Variants in CCDC59 observed in about 807,000 individuals in gnomAD.
CCDC59 encodes the protein thyroid transcription factor 1-associated protein 26.
In CCDC59, 27 loss-of-function variants were observed where a neutral mutation model predicts 30.5. The observed-to-expected ratio is 0.89, with a 90% CI of 0.65 to 1.22. The LOEUF is 1.22. Ranked by LOEUF, CCDC59 falls within the 50% of genes most tolerant of loss-of-function variation. The probability of loss-of-function intolerance (pLI) is 0.00; values close to 1 mark genes in which losing one functional copy is unlikely to be tolerated. For synonymous variants in CCDC59, 125 were observed against 100.9 expected (o/e 1.24, Z -1.43); for missense variants, 362 against 284.4 (o/e 1.27, Z -1.96).
chr12:82,358,163 A>C (rs891680924), intron 1 of CCDC59, 60 bp downstream of exon 1: 13 of 1,595,830 alleles, frequency 8.1e-6, no homozygotes, highest in African/African-American at 1.3e-5. Flanking sequence ...GCTTCAGCGA[A>C]TCTTATATCC....
At chr12:82,358,495 G>T, upstream of CCDC59, 1 of 1,596,448 alleles carries the variant, frequency 6.3e-7, no homozygotes, top group Admixed American at 1.7e-5. Flanking sequence ...GAGCCTGCCT[G>T]TGCTAATTTG....
intron 2 of CCDC59, 122 bp from the exon 3 acceptor site, chr12:82,354,716 A>G (rs1449376605): frequency 2.7e-6 from 2 of 745,908 alleles, no homozygotes; most frequent in Non-Finnish European, 3.8e-6. Context: ...GGATTCTTAG[A>G]GAAATATTTC....
rs988860850 is a variant in CCDC59, at chr12:82,354,807, A to G, written c.465-213T>C. On this transcript the variant is annotated intron_variant, in intron 2 of 3. Transcript: ENST00000256151. ...CTTTTAAAAGTAATGAAACCAGTATATGAATGATAGAAATGCCAGACTGAA... is the reference window on the plus strand; with the variant it reads ...CTTTTAAAAGTAATGAAACCAGTATGTGAATGATAGAAATGCCAGACTGAA... The G allele has an allele frequency of 2.4e-5, 8 of 331,918 alleles. No individual in the cohort carries two copies. In the Admixed American group the frequency reaches 3.3e-4, roughly 14 times the overall value. The allele number at this position is 331,918 out of a possible 1,614,324, so 20.6% of individuals were successfully genotyped here.
intron 2 of CCDC59, chr12:82,356,244 T>C (rs554405860): frequency 5.8e-4 from 88 of 152,390 alleles, no homozygotes; most frequent in African/African-American, 2.0e-3. Context: ...TAGTTTTTTA[T>C]AAGTTAACTC....
At chr12:82,358,493 C>T (rs1592557709), upstream of CCDC59, 2 of 1,596,668 alleles carry the variant, frequency 1.3e-6, no homozygotes, top group African/African-American at 2.7e-5. Flanking sequence ...CTGAGCCTGC[C>T]TGTGCTAATT....
intron 1 of CCDC59, among the ~76,000 whole-genome samples, chr12:82,357,692 C>T (rs1881144576): frequency 6.6e-6 from 1 of 152,122 alleles, no homozygotes; most frequent in South Asian, 2.1e-4. Context: ...AATGTTTCAA[C>T]ACGAAAGAAA....
In CCDC59 at chr12:82,357,171, A is replaced by G; in HGVS notation, c.253T>C (p.Phe85Leu). Residue 85 changes from phenylalanine (F) to leucine (L), a missense_variant, in exon 2 of 4, where the codon TTC becomes CTC. By Grantham distance (22) the Phe-to-Leu change is conservative. Coordinates refer to ENST00000256151, the MANE Select transcript of CCDC59 (RefSeq NM_014167.5). The stretch of plus-strand genomic sequence containing the variant: ...AGATTATCTGGGTATCGATCTGTGA[A>G]TTGAGATTCCAGTGACGTTTGAGCC... ...KKAQTSLESQ[F>L]TDRYPDNLKH... The G allele has an allele frequency of 1.2e-6, 2 of 1,614,074 alleles. No homozygotes were observed. The highest frequency in any genetic ancestry group is 2.2e-5 in the South Asian group (2 of 91,080).
At chr12:82,354,351 C>T (rs1252840958) in intron 3 of CCDC59, 144 bp downstream of exon 3, 2 of 542,630 alleles carry the variant, frequency 3.7e-6, no homozygotes, top group Non-Finnish European at 6.1e-6. Flanking sequence ...CAATCCTCTA[C>T]CTTTGCTCAG....
At chr12:82,358,757 G>A, upstream of CCDC59, 1 of 1,614,046 alleles carries the variant, frequency 6.2e-7, no homozygotes, top group Non-Finnish European at 8.5e-7. Flanking sequence ...CGCTGAGGAA[G>A]TCAGCGTCGG....
rs921119943 is a variant in CCDC59 at position 82,357,248 on chromosome 12, C to T, written c.176G>A (p.Arg59Lys). 3.1e-6 allele frequency: 5 copies of T among 1,611,436 alleles called. No homozygotes were observed. Among genetic ancestry groups the T allele is most frequent in the Middle Eastern group, 1.6e-4 (1 of 6,072 alleles). Residue 59 changes from arginine (R) to lysine (K), a missense_variant, in exon 2 of 4, where the codon AGA (arginine) becomes AAA (lysine). Transcript: ENST00000256151. ...GTAACTTTGCTGTATTTTCAGTTTT[C>T]TTCGAAAAGCAAAGCCTTGTCCTAC... is the stretch of plus-strand genomic sequence containing the variant. ...VREGQGFAFR[R>K]KLKIQQSYKK...
At chr12:82,356,531 C>T (rs181990477) in intron 2 of CCDC59, among the ~76,000 whole-genome samples, 3 of 152,242 alleles carry the variant, frequency 2.0e-5, no homozygotes, top group East Asian at 3.9e-4. Flanking sequence ...ATTATCTTTC[C>T]CAATTTAAAG....
upstream of CCDC59, chr12:82,358,759 C>G (rs201472175): frequency 2.5e-6 from 4 of 1,613,944 alleles, no homozygotes; most frequent in Non-Finnish European, 3.4e-6. Context: ...CTGAGGAAGT[C>G]AGCGTCGGAG....
chr12:82,357,354 T>A (rs1881115026), intron 1 of CCDC59, 85 bp from the exon 2 acceptor site: 3 of 1,107,920 alleles, frequency 2.7e-6, no homozygotes, highest in Non-Finnish European at 3.9e-6. Flanking sequence ...AATGAAAACT[T>A]TTTTTACGTC....
upstream of CCDC59, chr12:82,358,690 A>G (rs777550684): frequency 6.2e-7 from 1 of 1,614,182 alleles, no homozygotes; most frequent in Non-Finnish European, 8.5e-7. Flanking sequence ...GTGGATTTCT[A>G]CACAGAATCC....
intron 3 of CCDC59, 85 bp downstream of exon 3, chr12:82,354,410 A>C (rs778712677): frequency 4.0e-6 from 4 of 997,936 alleles, no homozygotes; most frequent in Non-Finnish European, 4.2e-6. Flanking sequence ...CTGTGTGCCC[A>C]GCACCAAGAA....
chr12:82,356,863 T>C (rs576655032), intron 2 of CCDC59, 97 bp downstream of exon 2: 2 of 1,002,038 alleles, frequency 2.0e-6, no homozygotes, highest in African/African-American at 1.6e-5. Context: ...TAAAATGTGT[T>C]AAATAAGAAA....
chr12:82,358,135 C>T, intron 1 of CCDC59, 88 bp downstream of exon 1: 1 of 1,500,750 alleles, frequency 6.7e-7, no homozygotes, highest in Non-Finnish European at 9.1e-7. Flanking sequence ...GGGTCTGGTT[C>T]CTAAATCCTT....
At chr12:82,353,799 A>G (rs556929365) in intron 3 of CCDC59, among the ~76,000 whole-genome samples, 2 of 152,250 alleles carry the variant, frequency 1.3e-5, no homozygotes, top group African/African-American at 4.8e-5. Flanking sequence ...GCAAAATTAC[A>G]TATCTTTAGG....
At chr12:82,356,514 T>C (rs1038005544) in intron 2 of CCDC59, among the ~76,000 whole-genome samples, 1 of 152,220 alleles carries the variant, frequency 6.6e-6, no homozygotes, top group African/African-American at 2.4e-5. Flanking sequence ...TATATATTCA[T>C]TACAGTATTA....
Sources: gnomAD v4.1 joint callset for allele counts (sites outside exome capture counted in the v4.1 genomes callset) on GRCh38, gnomAD v4.1.1 for gene constraint, MANE v1.5 for transcripts, NCBI Gene and HGNC (gene_info 2026-07-23, HGNC 2026-07-21) for gene names.